ZNF479: variants seen among roughly 807,000 people sequenced by gnomAD.
The protein encoded by ZNF479 is zinc finger protein 479.
Under a neutral mutation model 14.7 loss-of-function variants are expected in ZNF479, and 15 were observed. The ratio of observed to expected loss-of-function variants is 1.02; its 90% confidence interval spans 0.68 to 1.57. The LOEUF is 1.57. Among genes scored for constraint, ZNF479 ranks in the 40% most tolerant of loss-of-function variants. ZNF479 has a pLI of 0.00. For synonymous variants in ZNF479, 145 were observed against 211.5 expected, an observed-to-expected ratio of 0.69 and a Z score of 2.73; for missense variants, 506 against 615.1, an observed-to-expected ratio of 0.82 and a Z score of 1.88.
intron 1 of ZNF479, among the ~76,000 whole-genome samples, chr7:57,129,420 G>A (rs1380612468): frequency 2.6e-5 from 4 of 152,268 alleles, no homozygotes; most frequent in Admixed American, 2.0e-4. Flanking sequence ...GCATTAGCAA[G>A]AGAAAGCAGG....
At chr7:57,138,509 T>C (rs898797203) in intron 1 of ZNF479, among the ~76,000 whole-genome samples, 4 of 152,182 alleles carry the variant, frequency 2.6e-5, no homozygotes, top group African/African-American at 9.7e-5. Context: ...CCATCCAATG[T>C]GGATCTGTCC....
In ZNF479 at chr7:57,120,066, G is replaced by A. The variant is rs782501922; in HGVS notation, c.1349C>T (p.Ser450Leu). Reference protein sequence around the residue: ...EECGKAFSLSSTLTDHKRIHT... With the variant: ...EECGKAFSLSLTLTDHKRIHT... ...AATTCTCTTGTGGTCAGTGAGGGTT[G>A]AGGATAAGCTAAAGGCTTTGCCACA... The change falls in exon 4 of 4, where the codon TCA becomes TTA. Residue 450 changes from serine to leucine, a missense_variant. Ser to Leu is a moderately radical substitution (Grantham distance 145, BLOSUM62 -2). Coordinates refer to ENST00000319636, the MANE Select transcript of ZNF479 (RefSeq NM_001370129.2). 12 of 1,613,894 alleles carry A rather than the reference G, an allele frequency of 7.4e-6. No homozygotes were observed. The South Asian group carries it at 1.3e-4, about 18-fold the overall frequency.
chr7:57,133,358 A>C (rs1178600032), upstream of ZNF479, among the ~76,000 whole-genome samples: 9 of 151,900 alleles, frequency 5.9e-5, no homozygotes, highest in Non-Finnish European at 1.3e-4. Context: ...TCATGAATTT[A>C]AGTTTCCCAA....
At chr7:57,132,150 C>G in intron 1 of ZNF479, 136 bp downstream of exon 1, 3 of 1,516,212 alleles carry the variant, frequency 2.0e-6, no homozygotes, top group South Asian at 1.1e-5. Flanking sequence ...GGACGAGAGC[C>G]GAGCTGGGCC....
intron 3 of ZNF479, among the ~76,000 whole-genome samples, chr7:57,123,226 C>T (rs1462901675): frequency 3.9e-5 from 6 of 152,124 alleles, no homozygotes; most frequent in Admixed American, 2.0e-4. Context: ...TGAAAGACGA[C>T]GTGAGTGTGA....
rs1554399508 is a variant in ZNF479, at chr7:57,119,073, T to C, written c.*767A>G. Reference sequence around the variant, plus strand: ...AGTTAAAGGGTTTGCCACATTTTTTTCTGCAATTGCAGGGTTTCTCTCCAA... The same window carrying C: ...AGTTAAAGGGTTTGCCACATTTTTTCCTGCAATTGCAGGGTTTCTCTCCAA... On this transcript the variant is annotated 3_prime_UTR_variant, in exon 4 of 4. Transcript: ENST00000319636. Among the ~76,000 whole-genome samples the C allele has an allele frequency of 6.6e-6, 1 of 152,212 alleles. No homozygotes were observed. Among genetic ancestry groups the C allele is most frequent in the South Asian group, 2.1e-4 (1 of 4,832 alleles).
chr7:57,135,031 T>G (rs1205838906), upstream of ZNF479, among the ~76,000 whole-genome samples: 2 of 152,140 alleles, frequency 1.3e-5, no homozygotes, highest in Non-Finnish European at 2.9e-5. Flanking sequence ...CGTTTCTGAA[T>G]TGGGGCCATT....
rs1554399409 is a variant in ZNF479 at position 57,118,334 on chromosome 7, G to A, written c.*1506C>T. ...CAGAATAACTGGTCTTTACTTTAAA[G>A]GCCTATATTTTCCAAAAGGTCTTTT... On this transcript the variant is annotated 3_prime_UTR_variant, in exon 4 of 4. Transcript: ENST00000319636. Among the ~76,000 whole-genome samples, 1 of 152,172 alleles carries A rather than the reference G, an allele frequency of 6.6e-6. No homozygotes were observed. The highest frequency in any genetic ancestry group is 2.4e-5 in the African/African-American group (1 of 41,454).
At position 57,119,745 on chromosome 7, in the gene ZNF479, G is replaced by GT. The variant is rs1302403765; in HGVS notation, c.*94dup. The GT allele has an allele frequency of 8.8e-7, 1 of 1,141,762 alleles. No homozygotes were observed. Among genetic ancestry groups the GT allele is most frequent in the Non-Finnish European group, 1.2e-6 (1 of 809,956 alleles). The allele number at this position is 1,141,762 out of a possible 1,614,324, so 70.7% of individuals were successfully genotyped here. On this transcript the variant is annotated 3_prime_UTR_variant, in exon 4 of 4. Coordinates refer to ENST00000319636, the MANE Select transcript of ZNF479 (RefSeq NM_001370129.2). Reference sequence around the variant, plus strand: ...TACATTCAATTAAGGTTTGGAACTGGTTAAAGGCTTGGCCACATTCTCTAC... The same window carrying GT: ...TACATTCAATTAAGGTTTGGAACTGGTTTAAAGGCTTGGCCACATTCTCTAC...
chr7:57,137,127 T>G (rs1477120697), upstream of ZNF479, among the ~76,000 whole-genome samples: 1 of 152,150 alleles, frequency 6.6e-6, no homozygotes. Context: ...ATTAAATAAT[T>G]TTTTTTAAAA....
intron 3 of ZNF479, among the ~76,000 whole-genome samples, chr7:57,123,868 A>C (rs944823229): frequency 6.6e-6 from 1 of 152,030 alleles, no homozygotes; most frequent in Non-Finnish European, 1.5e-5. Flanking sequence ...ATCATACAGT[A>C]TATGTTTTCT....
chr7:57,119,837 ATAT>A lies in ZNF479; in HGVS notation c.1575_*2del, dbSNP rs1562844312. The A allele has an allele frequency of 1.2e-6, 2 of 1,611,884 alleles. No individual in the cohort carries two copies. The highest frequency in any genetic ancestry group is 2.2e-5 in the East Asian group (1 of 44,744). ...ATAAGGCCTGAGGGTGGACTTTGCC[ATAT>A]TATTCACATTTGTAGGGTTTCTCTC... is the stretch of plus-strand genomic sequence containing the variant. On this transcript the variant is annotated stop_lost and 3_prime_UTR_variant, in exon 4 of 4. Coordinates refer to ENST00000319636, the MANE Select transcript of ZNF479 (RefSeq NM_001370129.2).
upstream of ZNF479, among the ~76,000 whole-genome samples, chr7:57,134,782 C>A (rs1449886445): frequency 6.8e-6 from 1 of 147,370 alleles, no homozygotes; most frequent in Non-Finnish European, 1.5e-5. Context: ...TCAAGAGATT[C>A]TCCTGCCTCA....
intron 3 of ZNF479, among the ~76,000 whole-genome samples, chr7:57,122,679 G>T (rs1473413751): frequency 1.3e-5 from 2 of 152,118 alleles, no homozygotes; most frequent in African/African-American, 4.8e-5. Context: ...AAAATATACT[G>T]TTGTAACATT....
At chr7:57,137,012 C>CA (rs1352708938), upstream of ZNF479, among the ~76,000 whole-genome samples, 1 of 151,234 alleles carries the variant, frequency 6.6e-6, no homozygotes, top group Non-Finnish European at 1.5e-5. Flanking sequence ...GACACTGTCT[C>CA]AAAAAAAAGA....
upstream of ZNF479, among the ~76,000 whole-genome samples, chr7:57,134,421 C>T (rs920914479): frequency 2.6e-5 from 4 of 152,108 alleles, no homozygotes; most frequent in Non-Finnish European, 4.4e-5. Context: ...AGAGAGTTAC[C>T]TTACATGGTC....
At position 57,120,378 on chromosome 7, in the gene ZNF479, A is replaced by G. The variant is rs528521678; in HGVS notation, c.1037T>C (p.Ile346Thr). 176 of 1,611,692 alleles carry G rather than the reference A, an allele frequency of 1.1e-4. No individual in the cohort carries two copies. The Middle Eastern group carries it at 4.8e-3, about 44-fold the overall frequency. Reference sequence around the variant, plus strand: ...GGCATAGGGTTTCTCTCTAGTATGAATTCTCTTATGTCTAGTAAGGTTTGA... The same window carrying G: ...GGCATAGGGTTTCTCTCTAGTATGAGTTCTCTTATGTCTAGTAAGGTTTGA... The part of the protein sequence containing the change: ...WSSNLTRHKR[I>T]HTREKPYACE... The change falls in exon 4 of 4, where the codon ATT (isoleucine) becomes ACT (threonine). Residue 346 changes from isoleucine (I) to threonine (T), a missense_variant. Coordinates refer to ENST00000319636, the MANE Select transcript of ZNF479 (RefSeq NM_001370129.2).
At position 57,126,112 on chromosome 7, in the gene ZNF479, A is replaced by G. The variant is rs755441784; in HGVS notation, c.168T>C (p.Gly56=). 4.4e-6 allele frequency: 7 copies of G among 1,593,166 alleles called. No individual in the cohort carries two copies. ...TCAAGTCTGGCTTAGAGACAGCAAT[A>G]CCTGTTTTATTAAGAAAAAAAAGTA... ...LENYRNLVSL[G]IAVSKPDLIT... The change falls in exon 3 of 4, where the codon GGT becomes GGC. Residue 56 remains glycine (G), a splice_region_variant and synonymous_variant. Coordinates refer to ENST00000319636, the MANE Select transcript of ZNF479 (RefSeq NM_001370129.2).
intron 1 of ZNF479, among the ~76,000 whole-genome samples, chr7:57,128,827 T>G (rs1242762141): frequency 6.6e-6 from 1 of 152,242 alleles, no homozygotes; most frequent in African/African-American, 2.4e-5. Flanking sequence ...CAGTGGACAC[T>G]GCGCTTGATC....
Sources: gnomAD v4.1 joint callset for allele counts (sites outside exome capture counted in the v4.1 genomes callset) on GRCh38, gnomAD v4.1.1 for gene constraint, MANE v1.5 for transcripts, NCBI Gene and HGNC (gene_info 2026-07-23, HGNC 2026-07-21) for gene names.